Variants in ETS1 observed in about 807,000 individuals in gnomAD.
ETS1 encodes ETS proto-oncogene 1, transcription factor, also known as protein C-ets-1.
Under a neutral mutation model 58.6 loss-of-function variants are expected in ETS1, and 15 were observed. The ratio of observed to expected loss-of-function variants is 0.26; its 90% CI spans 0.17 to 0.39. The LOEUF (loss-of-function observed/expected upper bound fraction) is 0.39, where lower values mean the gene tolerates loss of function less well. Ranked by LOEUF, ETS1 falls within the 10% of genes least tolerant of loss-of-function variation. The probability of loss-of-function intolerance (pLI) is 1.00; values close to 1 mark genes in which losing one functional copy is unlikely to be tolerated. For missense variants in ETS1, 417 were observed against 610.5 expected (o/e 0.68, Z 3.34); for synonymous variants, 214 against 218.2 (o/e 0.98, Z 0.17).
intron 4 of ETS1, 118 bp downstream of exon 4, chr11:128,490,339 A>T: frequency 9.6e-7 from 1 of 1,038,420 alleles, no homozygotes; most frequent in Non-Finnish European, 1.4e-6. Flanking sequence ...GCCATGGCCC[A>T]TAGCTGCTGA....
At chr11:128,557,236 C>T (rs950509940) in intron 2 of ETS1, among the ~76,000 whole-genome samples, 3 of 152,130 alleles carry the variant, frequency 2.0e-5, no homozygotes, top group African/African-American at 7.2e-5. Context: ...AAACTGGAAA[C>T]ATGTACATAT....
intron 3 of ETS1, among the ~76,000 whole-genome samples, chr11:128,552,469 T>C (rs1278005399): frequency 6.6e-6 from 1 of 152,196 alleles, no homozygotes; most frequent in African/African-American, 2.4e-5. Flanking sequence ...TTTCCTATGT[T>C]CTCTAGCTCC....
intron 2 of ETS1, among the ~76,000 whole-genome samples, chr11:128,562,168 C>T (rs1030665251): frequency 1.1e-4 from 16 of 152,108 alleles, no homozygotes; most frequent in African/African-American, 2.9e-4. Context: ...TTTGGGAGGC[C>T]GGGAGGCCAA....
intron 3 of ETS1, among the ~76,000 whole-genome samples, chr11:128,506,269 T>C (rs1469239352): frequency 6.6e-6 from 1 of 152,042 alleles, no homozygotes; most frequent in Non-Finnish European, 1.5e-5. Context: ...GATGGTAAAT[T>C]TTATGTTATA....
At chr11:128,572,288 A>G (rs889740885) in intron 2 of ETS1, 4 of 152,058 alleles carry the variant, frequency 2.6e-5, no homozygotes, top group Non-Finnish European at 5.9e-5. Context: ...AAAAATAAAT[A>G]AAATAAACTT....
chr11:128,523,196 G>T (rs1863735294), intron 3 of ETS1, among the ~76,000 whole-genome samples: 1 of 152,188 alleles, frequency 6.6e-6, no homozygotes, highest in Non-Finnish European at 1.5e-5. Flanking sequence ...TGATGCAGAG[G>T]CTCTGTGGTT....
intron 8 of ETS1, among the ~76,000 whole-genome samples, chr11:128,465,549 G>T (rs1862011079): frequency 6.6e-6 from 1 of 152,166 alleles, no homozygotes; most frequent in Admixed American, 6.5e-5. Context: ...AAGTAAAACA[G>T]CAAATCGCTC....
At chr11:128,541,084 C>T (rs1003748611) in intron 3 of ETS1, among the ~76,000 whole-genome samples, 2 of 152,176 alleles carry the variant, frequency 1.3e-5, no homozygotes, top group African/African-American at 4.8e-5. Context: ...TGGGAGGCCT[C>T]AGGAGGGTCT....
intron 3 of ETS1, chr11:128,521,820 C>T: frequency 1.0e-6 from 1 of 1,003,204 alleles, no homozygotes; most frequent in Admixed American, 2.3e-5. Flanking sequence ...AAATGCACCG[C>T]CCAGAAGGGA....
At chr11:128,508,308 A>C (rs1214845983) in intron 3 of ETS1, among the ~76,000 whole-genome samples, 3 of 152,222 alleles carry the variant, frequency 2.0e-5, no homozygotes, top group Admixed American at 2.0e-4. Context: ...TTTTCACAGG[A>C]ATTATCTCTA....
rs1864202486 is a variant in ETS1 at position 128,549,874 on chromosome 11, C to T, written c.214+6417G>A. Among the ~76,000 whole-genome samples, 1 of 152,110 alleles carries T rather than the reference C, an allele frequency of 6.6e-6. No homozygotes were observed. The highest frequency in any genetic ancestry group is 6.5e-5 in the Admixed American group (1 of 15,278). ...GGCTGGTGAAATGAGGCACAGTGGGCAGATGCTAGCACATTAGCCTTGAGC... is the reference window on the plus strand; with the variant it reads ...GGCTGGTGAAATGAGGCACAGTGGGTAGATGCTAGCACATTAGCCTTGAGC... On this transcript the variant is annotated intron_variant, in intron 3 of 9. Transcript: ENST00000392668. This position sits in a 1 kb window ranked among gnomAD's most constrained non-coding sequence, Gnocchi z 4.3.
At chr11:128,493,253 G>GA (rs1243943404) in intron 3 of ETS1, among the ~76,000 whole-genome samples, 1 of 152,166 alleles carries the variant, frequency 6.6e-6, no homozygotes, top group East Asian at 1.9e-4. Context: ...CAGAAAGCCT[G>GA]AAAAAGAAGT....
intron 1 of ETS1, among the ~76,000 whole-genome samples, chr11:128,583,518 A>T (rs1283605313): frequency 1.3e-5 from 2 of 152,056 alleles, no homozygotes; most frequent in Non-Finnish European, 2.9e-5. Context: ...TAAAAGAGTT[A>T]TTTGCATTAT....
chr11:128,506,485 C>A (rs535659859), intron 3 of ETS1, among the ~76,000 whole-genome samples: 2 of 152,152 alleles, frequency 1.3e-5, no homozygotes, highest in Admixed American at 6.5e-5. Flanking sequence ...ACGGCTGAAG[C>A]GGAAGGTTTT....
At chr11:128,585,336 GAAGGAAGGAAGC>G (rs757255680) in intron 1 of ETS1, among the ~76,000 whole-genome samples, 10,189 of 149,430 alleles carry the variant, frequency 0.068, 615 homozygotes, top group East Asian at 0.13. Flanking sequence ...AGGAAGCAAG[GAAGGAAGGAAGC>G]AAGGAAGGAA....
chr11:128,488,753 T>A (rs1043916803), intron 5 of ETS1, among the ~76,000 whole-genome samples: 2 of 152,186 alleles, frequency 1.3e-5, no homozygotes, highest in African/African-American at 4.8e-5. Context: ...AGCGTCCTGA[T>A]ATAACCCCAG....
chr11:128,497,198 G>A (rs1862967210), intron 3 of ETS1, among the ~76,000 whole-genome samples: 1 of 152,174 alleles, frequency 6.6e-6, no homozygotes, highest in Non-Finnish European at 1.5e-5. Context: ...CCAGTGACCT[G>A]ACTGACCAAA....
intron 3 of ETS1, among the ~76,000 whole-genome samples, chr11:128,527,926 G>C (rs1407293274): frequency 3.3e-5 from 5 of 152,116 alleles, no homozygotes; most frequent in Non-Finnish European, 7.3e-5. Context: ...CATTTAAAAT[G>C]CCAAATCAAT....
intron 3 of ETS1, chr11:128,530,416 G>C (rs1053277084): frequency 2.0e-5 from 3 of 152,230 alleles, no homozygotes; most frequent in Non-Finnish European, 4.4e-5. Flanking sequence ...GTAAGAGGGC[G>C]CCATTTAATC....
Sources: gnomAD v4.1 joint callset for allele counts (sites outside exome capture counted in the v4.1 genomes callset) on GRCh38, gnomAD v4.1.1 for gene constraint, Gnocchi (gnomAD v3.1) non-coding constraint, MANE v1.5 for transcripts, NCBI Gene and HGNC (gene_info 2026-07-23, HGNC 2026-07-21) for gene names.